Variants in GALNT13 observed in about 807,000 individuals in gnomAD.
GALNT13 encodes polypeptide N-acetylgalactosaminyltransferase 13, also known as UDP-GalNAc:polypeptide N-acetylgalactosaminyltransferase 13.
Under a neutral mutation model 64.2 loss-of-function variants are expected in GALNT13, and 28 were observed. The observed-to-expected ratio is 0.44, with a 90% confidence interval of 0.32 to 0.60. The LOEUF is 0.60. Among genes scored for constraint, GALNT13 ranks in the 20% least tolerant of loss-of-function variants. The probability of loss-of-function intolerance (pLI) is 0.05; values close to 1 mark genes in which losing one functional copy is unlikely to be tolerated. For synonymous variants in GALNT13, 214 were observed against 224.6 expected (o/e 0.95, Z 0.42); for missense variants, 577 against 669.8 (o/e 0.86, Z 1.53).
At chr2:153,441,330 A>G in the GALNT13 span, among the ~76,000 whole-genome samples, 6 of 152,230 alleles carry the variant, frequency 3.9e-5, no homozygotes, top group African/African-American at 1.4e-4. Context: ...TACCAGTACC[A>G]TGCTGTGTTG....
chr2:153,780,228 T>TATATATATATATATATGC, the GALNT13 span, among the ~76,000 whole-genome samples: 1 of 8,634 alleles, frequency 1.2e-4, no homozygotes, highest in Non-Finnish European at 8.6e-4. Flanking sequence ...TATATATATA[T>TATATATATATATATATGC]ATATATATAT....
chr2:153,753,123 T>C, the GALNT13 span, among the ~76,000 whole-genome samples: 1 of 152,166 alleles, frequency 6.6e-6, no homozygotes, highest in Non-Finnish European at 1.5e-5. Flanking sequence ...TCCTCCTTAA[T>C]CTGGTAGAAT....
the GALNT13 span, among the ~76,000 whole-genome samples, chr2:153,110,855 T>A: frequency 5.3e-5 from 8 of 152,170 alleles, no homozygotes; most frequent in South Asian, 2.1e-4. Context: ...TTGCCTATGA[T>A]CAGTTGGAGT....
At chr2:154,006,116 C>T (rs1461987660) in intron 3 of GALNT13, among the ~76,000 whole-genome samples, 1 of 152,138 alleles carries the variant, frequency 6.6e-6, no homozygotes, top group Non-Finnish European at 1.5e-5. Context: ...CTATGCTGAA[C>T]ATATATTTTT....
chr2:154,046,190 T>C (rs552993662), intron 3 of GALNT13, among the ~76,000 whole-genome samples: 1 of 152,012 alleles, frequency 6.6e-6, no homozygotes, highest in Non-Finnish European at 1.5e-5. Flanking sequence ...ATGGGCATGG[T>C]CATACATGCC....
the GALNT13 span, among the ~76,000 whole-genome samples, chr2:153,246,142 G>T: frequency 6.6e-6 from 1 of 152,064 alleles, no homozygotes; most frequent in Non-Finnish European, 1.5e-5. Flanking sequence ...AGAAATATGG[G>T]ACTATGTGAA....
At chr2:153,894,895 CT>C (rs1687790846) in intron 1 of GALNT13, among the ~76,000 whole-genome samples, 1 of 152,084 alleles carries the variant, frequency 6.6e-6, no homozygotes, top group Non-Finnish European at 1.5e-5. Context: ...AATATGTAGT[CT>C]TGTGTAAAGG....
chr2:153,916,357 A>G (rs756872204), intron 2 of GALNT13, among the ~76,000 whole-genome samples: 31 of 151,668 alleles, frequency 2.0e-4, no homozygotes, highest in Non-Finnish European at 3.2e-4. Flanking sequence ...AGGTCTCACT[A>G]TGTTGCCCAG....
At chr2:153,800,045 G>GCTCTCT in the GALNT13 span, among the ~76,000 whole-genome samples, 3,349 of 118,882 alleles carry the variant, frequency 0.028, 79 homozygotes, top group African/African-American at 0.045. Flanking sequence ...CATTTAGTTT[G>GCTCTCT]CTCTCTCTCT....
chr2:153,134,067 A>G, the GALNT13 span, among the ~76,000 whole-genome samples: 4 of 152,188 alleles, frequency 2.6e-5, no homozygotes, highest in Non-Finnish European at 5.9e-5. Context: ...CTCTTCATTT[A>G]GTCTAATTAC....
the GALNT13 span, among the ~76,000 whole-genome samples, chr2:153,272,208 A>G: frequency 7.9e-5 from 12 of 152,306 alleles, no homozygotes; most frequent in African/African-American, 2.9e-4. Flanking sequence ...ATGGGCAAGG[A>G]CTTCATGACT....
intron 2 of GALNT13, among the ~76,000 whole-genome samples, chr2:153,933,780 G>C (rs900022516): frequency 6.6e-6 from 1 of 152,120 alleles, no homozygotes. Flanking sequence ...AAGACCTCTT[G>C]TAAAGTGGGT....
the GALNT13 span, among the ~76,000 whole-genome samples, chr2:153,154,150 A>G: frequency 6.6e-6 from 1 of 152,018 alleles, no homozygotes; most frequent in African/African-American, 2.4e-5. Flanking sequence ...CCCAAATCTC[A>G]TTTGAATTGT....
At chr2:153,606,240 T>C in the GALNT13 span, among the ~76,000 whole-genome samples, 1 of 152,090 alleles carries the variant, frequency 6.6e-6, no homozygotes, top group Admixed American at 6.6e-5. Flanking sequence ...TACATACGTA[T>C]ATACACACAC....
intron 3 of GALNT13, among the ~76,000 whole-genome samples, chr2:153,997,032 T>A (rs570748675): frequency 9.8e-5 from 15 of 152,292 alleles, no homozygotes; most frequent in Middle Eastern, 3.4e-3. Flanking sequence ...TTGGTCTTTG[T>A]GTCTGTTTTT....
At chr2:154,409,409 A>C (rs1699694099) in intron 11 of GALNT13, 1 of 248,622 alleles carries the variant, frequency 4.0e-6, no homozygotes, top group African/African-American at 2.3e-5. Flanking sequence ...ATAATTCCTC[A>C]ACATCTGTGA....
upstream of GALNT13, among the ~76,000 whole-genome samples, chr2:153,867,792 C>T (rs1461024816): frequency 6.6e-6 from 1 of 151,986 alleles, no homozygotes; most frequent in African/African-American, 2.4e-5. Context: ...AGTTCCCTCA[C>T]ATGTGCAGTT....
intron 4 of GALNT13, among the ~76,000 whole-genome samples, chr2:154,218,382 T>TA (rs1688155122): frequency 6.6e-6 from 1 of 152,108 alleles, no homozygotes; most frequent in Non-Finnish European, 1.5e-5. Flanking sequence ...TTCAGCCATC[T>TA]AAAGAGGCAA....
At chr2:153,194,460 T>C in the GALNT13 span, among the ~76,000 whole-genome samples, 1 of 152,234 alleles carries the variant, frequency 6.6e-6, no homozygotes, top group Non-Finnish European at 1.5e-5. Flanking sequence ...TTTTATGATA[T>C]CTTTCTCTTT....
Sources: gnomAD v4.1 joint callset for allele counts (sites outside exome capture counted in the v4.1 genomes callset) on GRCh38, gnomAD v4.1.1 for gene constraint, MANE v1.5 for transcripts, NCBI Gene and HGNC (gene_info 2026-07-23, HGNC 2026-07-21) for gene names.